The following FBXL17 variants were observed in gnomAD, a reference collection of about 807,000 sequenced individuals.
FBXL17 encodes F-box/LRR-repeat protein 17.
In FBXL17, 22 loss-of-function variants were observed where a neutral mutation model predicts 66.2. That is an observed-to-expected ratio of 0.33 (90% confidence interval 0.24 to 0.47). The LOEUF (loss-of-function observed/expected upper bound fraction) is 0.47. Among genes scored for constraint, FBXL17 ranks in the 20% least tolerant of loss-of-function variants. FBXL17 has a pLI of 1.00. For synonymous variants in FBXL17, 474 were observed against 400.5 expected, an observed-to-expected ratio of 1.18 and a Z score of -2.19; for missense variants, 878 against 948.2, an observed-to-expected ratio of 0.93 and a Z score of 0.97.
At chr5:108,133,058 C>T (rs567145632) in intron 6 of FBXL17, among the ~76,000 whole-genome samples, 112 of 152,158 alleles carry the variant, frequency 7.4e-4, no homozygotes, top group African/African-American at 2.6e-3. Context: ...AAACAATAAT[C>T]GTCATTAATA....
At chr5:108,030,714 C>T (rs1372590751) in intron 6 of FBXL17, among the ~76,000 whole-genome samples, 1 of 152,024 alleles carries the variant, frequency 6.6e-6, no homozygotes, top group Non-Finnish European at 1.5e-5. Context: ...AACATTCTGG[C>T]ATTCTGTGAA....
intron 4 of FBXL17, among the ~76,000 whole-genome samples, chr5:108,345,678 C>T (rs770605613): frequency 2.6e-5 from 4 of 151,636 alleles, no homozygotes; most frequent in Admixed American, 2.0e-4. Context: ...AAACCATCAG[C>T]AGAAACTTAT....
chr5:108,098,420 G>C (rs1244939270), intron 6 of FBXL17, among the ~76,000 whole-genome samples: 5 of 151,786 alleles, frequency 3.3e-5, no homozygotes, highest in African/African-American at 2.4e-5. Context: ...CAACTTTTTG[G>C]GTCAACTTGC....
intron 7 of FBXL17, among the ~76,000 whole-genome samples, chr5:107,953,238 TA>T (rs550112700): frequency 9.9e-4 from 150 of 151,766 alleles, no homozygotes; most frequent in African/African-American, 3.6e-3. Flanking sequence ...CCGTCTCTAC[TA>T]AAAATACAAA....
intron 4 of FBXL17, among the ~76,000 whole-genome samples, chr5:108,344,836 AC>A (rs1747157075): frequency 1.3e-5 from 2 of 152,254 alleles, no homozygotes; most frequent in African/African-American, 4.8e-5. Flanking sequence ...CATGCACTAT[AC>A]AAAAGTGATA....
intron 7 of FBXL17, among the ~76,000 whole-genome samples, chr5:107,986,284 A>T (rs895084920): frequency 1.3e-5 from 2 of 151,954 alleles, no homozygotes; most frequent in African/African-American, 2.4e-5. Context: ...GAAATAAACA[A>T]TTATTCTAAT....
chr5:108,291,114 C>T (rs1424053297), intron 4 of FBXL17, among the ~76,000 whole-genome samples: 1 of 152,130 alleles, frequency 6.6e-6, no homozygotes. Flanking sequence ...AAATGTTGAG[C>T]TATTAAATAT....
At chr5:108,059,140 A>T (rs1292716590) in intron 6 of FBXL17, among the ~76,000 whole-genome samples, 1 of 152,206 alleles carries the variant, frequency 6.6e-6, no homozygotes, top group Non-Finnish European at 1.5e-5. Context: ...ACAACTTCTG[A>T]TGTTTCAGAC....
At chr5:108,319,079 T>C (rs954284268) in intron 4 of FBXL17, among the ~76,000 whole-genome samples, 2 of 151,884 alleles carry the variant, frequency 1.3e-5, no homozygotes, top group African/African-American at 4.8e-5. Flanking sequence ...CTTCCAATTG[T>C]TTTATTCTAC....
chr5:108,202,982 A>G (rs147371251), intron 5 of FBXL17, among the ~76,000 whole-genome samples: 1 of 152,304 alleles, frequency 6.6e-6, no homozygotes, highest in Non-Finnish European at 1.5e-5. Flanking sequence ...GAAAAAAATT[A>G]TACAACAAAG....
intron 7 of FBXL17, among the ~76,000 whole-genome samples, chr5:107,911,568 T>C (rs1749948749): frequency 6.6e-6 from 1 of 152,102 alleles, no homozygotes; most frequent in East Asian, 1.9e-4. Flanking sequence ...TTATTCTCAT[T>C]TTATGGCTGA....
At chr5:108,377,836 T>C (rs949634545) in intron 1 of FBXL17, among the ~76,000 whole-genome samples, 1 of 152,236 alleles carries the variant, frequency 6.6e-6, no homozygotes, top group South Asian at 2.1e-4. Context: ...TAAAGGACTA[T>C]GTGGTCTTAA....
At chr5:107,874,470 T>C (rs1020615966) in intron 8 of FBXL17, among the ~76,000 whole-genome samples, 18 of 152,242 alleles carry the variant, frequency 1.2e-4, no homozygotes, top group Admixed American at 9.8e-4. Flanking sequence ...CCCTATGAGA[T>C]AAATGTCATT....
intron 3 of FBXL17, 35 bp downstream of exon 3, chr5:108,364,703 T>C (rs1271830540): frequency 6.5e-7 from 1 of 1,528,396 alleles, no homozygotes; most frequent in Non-Finnish European, 8.9e-7. Flanking sequence ...TTTAATTAAT[T>C]CAAGTAAAAT....
chr5:108,026,742 T>C (rs564470785), intron 6 of FBXL17, among the ~76,000 whole-genome samples: 1 of 152,314 alleles, frequency 6.6e-6, no homozygotes, highest in East Asian at 1.9e-4. Context: ...TGGCTGAGAT[T>C]AATTTAAGCT....
chr5:108,042,819 C>G (rs941077911), intron 6 of FBXL17, among the ~76,000 whole-genome samples: 1 of 152,086 alleles, frequency 6.6e-6, no homozygotes, highest in Admixed American at 6.6e-5. Context: ...AAGAAAGTGC[C>G]TATTTTCCAG....
chr5:108,224,625 T>C (rs2150076969), intron 4 of FBXL17, among the ~76,000 whole-genome samples: 1 of 152,246 alleles, frequency 6.6e-6, no homozygotes, highest in Middle Eastern at 3.4e-3. Flanking sequence ...AGAGACTCAC[T>C]GTGTTGCCCA....
chr5:108,284,475 A>G (rs919216304), intron 4 of FBXL17, among the ~76,000 whole-genome samples: 2 of 151,932 alleles, frequency 1.3e-5, no homozygotes, highest in African/African-American at 4.8e-5. Flanking sequence ...ACATATTCGT[A>G]TTCCTAAGTG....
chr5:107,930,966 G>A (rs1459256186), intron 7 of FBXL17, among the ~76,000 whole-genome samples: 2 of 144,272 alleles, frequency 1.4e-5, no homozygotes, highest in Non-Finnish European at 3.0e-5. Flanking sequence ...CCATTTTGAA[G>A]TACTGGATAA....
Sources: allele counts gnomAD v4.1 joint callset (sites outside exome capture counted in the v4.1 genomes callset), GRCh38; gene constraint gnomAD v4.1.1; transcripts MANE v1.5; gene names NCBI Gene and HGNC (gene_info 2026-07-23, HGNC 2026-07-21).